Variants in ALOX15 observed in about 807,000 individuals in gnomAD.
ALOX15 encodes the protein polyunsaturated fatty acid lipoxygenase ALOX15.
ALOX15 carries 68 observed loss-of-function variants against 71.7 expected under a neutral mutation model. The observed-to-expected ratio is 0.95, with a 90% CI of 0.78 to 1.16. The LOEUF is 1.16. ALOX15 is among the 50% of genes most tolerant of loss of function. ALOX15 has a pLI of 0.00. For synonymous variants in ALOX15, 346 were observed against 333.3 expected (o/e 1.04, Z -0.42); for missense variants, 798 against 818.8 (o/e 0.97, Z 0.31).
rs1911201502 is a variant in ALOX15 at position 4,638,648 on chromosome 17, A to G, written c.579T>C (p.Val193=). The G allele has an allele frequency of 6.2e-7, 1 of 1,614,192 alleles. No homozygotes were observed. ...CATCTAGATCCTTCCAGCAAGTCAG[A>G]ACATTTAGAGAGTCTTTGATAGCGA... is the stretch of plus-strand genomic sequence containing the variant. ...ADLAIKDSLN[V]LTCWKDLDDF... is the part of the protein sequence containing the mutation. Residue 193 remains valine, a synonymous_variant, in exon 5 of 14, where the codon GTT becomes GTC. Transcript: ENST00000293761.
At chr17:4,634,818 A>G (rs1911037562) in intron 8 of ALOX15, among the ~76,000 whole-genome samples, 1 of 151,768 alleles carries the variant, frequency 6.6e-6, no homozygotes. Context: ...ATCTCTACTA[A>G]AAATACAAAA....
rs750312023 is a variant in ALOX15, at chr17:4,637,260, T to C, written c.808-2A>G. 3.7e-6 allele frequency: 6 copies of C among 1,608,828 alleles called. No homozygotes were observed. The highest frequency in any genetic ancestry group is 2.2e-5 in the South Asian group (2 of 90,400). On this transcript the variant is annotated splice_acceptor_variant, in intron 6 of 13. Coordinates refer to ENST00000293761, the MANE Select transcript of ALOX15 (RefSeq NM_001140.5). LOFTEE classifies it high-confidence loss of function. The stretch of plus-strand genomic sequence containing the variant: ...GTCAGCTTCGAACAGTGTGCCTCCC[T>C]GGGTGGGGGAAGAGGTCAAGGGCTG...
chr17:4,632,367 C>T (rs1045991344), intron 11 of ALOX15, 86 bp from the exon 12 acceptor site: 35 of 1,072,882 alleles, frequency 3.3e-5, no homozygotes, highest in Middle Eastern at 2.0e-4. Flanking sequence ...AGAACAAGGG[C>T]GAGAAAGAGC....
At chr17:4,638,993 C>G (rs1264499287) in intron 3 of ALOX15, 21 bp from the exon 4 acceptor site, 1 of 1,614,104 alleles carries the variant, frequency 6.2e-7, no homozygotes, top group Non-Finnish European at 8.5e-7. Flanking sequence ...GGAAGGAAAT[C>G]AAGTATGGGT....
chr17:4,631,461 G>C lies in ALOX15; in HGVS notation c.*139C>G. ...GAGTAAAATGTGTTCACTGGGTGCA[G>C]AGACCATGAAAAGGTGCCCCTCTAG... On this transcript the variant is annotated 3_prime_UTR_variant, in exon 14 of 14. Transcript: ENST00000293761. 1 of 1,011,286 alleles carries C rather than the reference G, an allele frequency of 9.9e-7. No homozygotes were observed. Among genetic ancestry groups the C allele is most frequent in the East Asian group, 2.6e-5 (1 of 38,430 alleles). The allele number at this position is 1,011,286 out of a possible 1,614,324, so 62.6% of individuals were successfully genotyped here. A position where few individuals can be genotyped will look rare whatever the true frequency, so the allele number is the denominator to read the frequency against.
Position 4,632,851 on chromosome 17 carries a change from C to T in ALOX15, c.1540+10G>A. The T allele has an allele frequency of 6.2e-7, 1 of 1,614,060 alleles. No individual in the cohort carries two copies. The highest frequency in any genetic ancestry group is 8.5e-7 in the Non-Finnish European group (1 of 1,179,986). On this transcript the variant is annotated intron_variant, in intron 11 of 13. Transcript: ENST00000293761. ...TGTGTCTGAGATCTCAGGGCAGGGG[C>T]TCCTCTTACCTCGGTCCTGGGCCCC...
chr17:4,636,059 C>G, intron 7 of ALOX15, 91 bp from the exon 8 acceptor site: 1 of 1,355,648 alleles, frequency 7.4e-7, no homozygotes, highest in Non-Finnish European at 1.0e-6. Context: ...CACCCTTCGT[C>G]CTCCAAACCT....
intron 11 of ALOX15, 111 bp from the exon 12 acceptor site, chr17:4,632,392 G>A (rs1910944533): frequency 1.1e-6 from 1 of 875,994 alleles, no homozygotes; most frequent in African/African-American, 1.7e-5. Flanking sequence ...GGAATGCTCA[G>A]TTAACTCTTA....
rs1272244304 is a variant in ALOX15 at position 4,640,957 on chromosome 17, A to C, written c.135+560T>G. On this transcript the variant is annotated intron_variant, in intron 1 of 13. Transcript: ENST00000293761. The stretch of plus-strand genomic sequence containing the variant: ...AGACATCCGGATTTGGGGATCTGGG[A>C]GAGAGCTAGAGCAGTGATGGGAATT... Among the ~76,000 whole-genome samples the C allele has an allele frequency of 2.0e-5, 3 of 151,548 alleles. 1 individual carries two copies. Among genetic ancestry groups the C allele is most frequent in the African/African-American group, 7.3e-5 (3 of 41,334 alleles).
chr17:4,638,040 G>C (rs898333191), intron 6 of ALOX15, among the ~76,000 whole-genome samples, 177 bp downstream of exon 6: 1 of 152,298 alleles, frequency 6.6e-6, no homozygotes, highest in East Asian at 1.9e-4. Flanking sequence ...AGCTACTCTC[G>C]TGTAGGAAGG....
rs190386185 is a variant in ALOX15, at chr17:4,632,942, C to T, written c.1459G>A (p.Val487Met). 8.1e-6 allele frequency: 13 copies of T among 1,614,140 alleles called. No individual in the cohort carries two copies. The highest frequency in any genetic ancestry group is 2.2e-5 in the East Asian group (1 of 44,878). The change falls in exon 11 of 14, where the codon GTG (valine) becomes ATG (methionine). Residue 487 changes from valine (V) to methionine (M), a missense_variant. This residue lies in a region of ALOX15 where 490 missense variants were observed against 509.4 expected (regional missense o/e 0.96). Coordinates refer to ENST00000293761, the MANE Select transcript of ALOX15 (RefSeq NM_001140.5). ...AGCTCTGGGTCGTCTTTCACAGCCA[C>T]GTCTGTCTTATAGTGGAGACTCACG... is the stretch of plus-strand genomic sequence containing the variant. ...GIVSLHYKTD[V>M]AVKDDPELQT...
chr17:4,636,544 G>A (rs1413454925), intron 7 of ALOX15, among the ~76,000 whole-genome samples: 2 of 151,852 alleles, frequency 1.3e-5, no homozygotes, highest in Admixed American at 6.6e-5. Flanking sequence ...ACCCACATCC[G>A]AGCTCCCCTC....
At chr17:4,635,686 G>A in intron 8 of ALOX15, 73 bp downstream of exon 8, 1 of 1,440,298 alleles carries the variant, frequency 6.9e-7, no homozygotes, top group South Asian at 1.2e-5. Flanking sequence ...CACAGAGAGG[G>A]AGCCTCCAGA....
chr17:4,639,038 G>C lies in ALOX15; in HGVS notation c.419+13C>G. On this transcript the variant is annotated intron_variant, in intron 3 of 13. Transcript: ENST00000293761. Reference sequence around the variant, plus strand: ...ATCAGCAGCTCACGTGGGGTCAGGGGAGGAGGGCTCACCGGTACAACTTCC... The same window carrying C: ...ATCAGCAGCTCACGTGGGGTCAGGGCAGGAGGGCTCACCGGTACAACTTCC... 2 of 1,614,202 alleles carry C rather than the reference G, an allele frequency of 1.2e-6. No individual in the cohort carries two copies. The highest frequency in any genetic ancestry group is 1.3e-5 in the African/African-American group (1 of 75,054).
chr17:4,636,106 C>A (rs71368509), intron 7 of ALOX15, 138 bp from the exon 8 acceptor site: 8 of 905,516 alleles, frequency 8.8e-6, no homozygotes, highest in African/African-American at 3.3e-5. Context: ...CCGCTCCCTA[C>A]GGCTCCCGTT....
chr17:4,636,589 T>C (rs1020311599), intron 7 of ALOX15, among the ~76,000 whole-genome samples: 1 of 151,938 alleles, frequency 6.6e-6, no homozygotes, highest in Non-Finnish European at 1.5e-5. Flanking sequence ...GTTGCCCCAG[T>C]CCCTATTTCT....
chr17:4,641,068 G>A (rs1188406131), intron 1 of ALOX15, among the ~76,000 whole-genome samples: 1 of 149,656 alleles, frequency 6.7e-6, no homozygotes, highest in African/African-American at 2.5e-5. Flanking sequence ...AGGTGGGTCG[G>A]GAAATCGAGA....
chr17:4,639,454 C>T lies in ALOX15; in HGVS notation c.313G>A (p.Val105Ile), dbSNP rs757072915. Residue 105 changes from valine to isoleucine, a missense_variant, in exon 2 of 14, where the codon GTC becomes ATC. Physicochemically the swap from Val to Ile is conservative, Grantham distance 29. Around this residue, in one of 3 missense-constraint regions of ALOX15, gnomAD observed 300 missense variants for 283.1 expected, o/e 1.06. Transcript: ENST00000293761. ...CCGGTGCCTTCAGGCAGGCTCAGGACGCCGTTGCCCTCCACCCAGCGGTAA... is the reference window on the plus strand; with the variant it reads ...CCGGTGCCTTCAGGCAGGCTCAGGATGCCGTTGCCCTCCACCCAGCGGTAA... ...PCYRWVEGNGVLSLPEGTGRT... is the reference protein window; with the variant it reads ...PCYRWVEGNGILSLPEGTGRT... 1.1e-5 allele frequency: 17 copies of T among 1,613,488 alleles called. No homozygotes were observed. Among genetic ancestry groups the T allele is most frequent in the South Asian group, 2.2e-5 (2 of 91,078 alleles).
Position 4,633,201 on chromosome 17 carries a change from C to A in ALOX15, c.1363G>T (p.Val455Leu), listed in dbSNP as rs1285505086. 1 of 1,614,210 alleles carries A rather than the reference C, an allele frequency of 6.2e-7. No homozygotes were observed. The highest frequency in any genetic ancestry group is 1.1e-5 in the South Asian group (1 of 91,088). ...TCTTGGGCATAGAAGGAAGACTTCA[C>A]TCCCAGGAGCCCCCGGTCGGCCAAG... is the stretch of plus-strand genomic sequence containing the variant. Reference protein sequence around the residue: ...DDLADRGLLGVKSSFYAQDAL... With the variant: ...DDLADRGLLGLKSSFYAQDAL... The change falls in exon 10 of 14, where the codon GTG (valine) becomes TTG (leucine). Residue 455 changes from valine to leucine, a missense_variant. Transcript: ENST00000293761.
Sources: gnomAD v4.1 joint callset for allele counts (sites outside exome capture counted in the v4.1 genomes callset) on GRCh38, gnomAD v4.1.1 for gene constraint, gnomAD v4.1.1 regional missense constraint, MANE v1.5 for transcripts, NCBI Gene and HGNC (gene_info 2026-07-23, HGNC 2026-07-21) for gene names.